PIGF: variants seen among roughly 807,000 people sequenced by gnomAD.
PIGF encodes GPI ethanolamine phosphate transferase, stabilizing subunit.
Under a neutral mutation model 26.0 loss-of-function variants are expected in PIGF, and 23 were observed. The ratio of observed to expected loss-of-function variants is 0.88; its 90% CI spans 0.64 to 1.25. PIGF has a LOEUF of 1.25. Ranked by LOEUF, PIGF falls within the 50% of genes most tolerant of loss-of-function variation. The probability of loss-of-function intolerance (pLI) is 0.00; values close to 1 mark genes in which losing one functional copy is unlikely to be tolerated. For missense variants in PIGF, 278 were observed against 249.9 expected (o/e 1.11, Z -0.76); for synonymous variants, 93 against 92.6 (o/e 1.00, Z -0.03).
chr2:46,588,297 G>A lies in PIGF; in HGVS notation c.546+4178C>T. On this transcript the variant is annotated intron_variant, in intron 5 of 5. Transcript: ENST00000281382. This position sits in a 1 kb window ranked among gnomAD's most constrained non-coding sequence, Gnocchi z 4.1. Reference sequence around the variant, plus strand: ...CACTCTACCAACTGAAAGACTGCTGGGCAGAAAAAATAAAACAACAAACTG... The same window carrying A: ...CACTCTACCAACTGAAAGACTGCTGAGCAGAAAAAATAAAACAACAAACTG... 8 of 1,281,402 alleles carry A rather than the reference G, an allele frequency of 6.2e-6. No homozygotes were observed. The highest frequency in any genetic ancestry group is 1.7e-5 in the South Asian group (1 of 59,406). 79.4% of individuals were successfully genotyped at this position (1,281,402 alleles called of 1,614,324 possible).
intron 4 of PIGF, among the ~76,000 whole-genome samples, chr2:46,606,385 T>C (rs1250889772): frequency 6.6e-6 from 1 of 152,230 alleles, no homozygotes; most frequent in Non-Finnish European, 1.5e-5. Context: ...CTTGCTTTTT[T>C]CCACTAACTT....
chr2:46,615,729 T>A (rs909771202), intron 1 of PIGF: 1 of 152,938 alleles, frequency 6.5e-6, no homozygotes, highest in African/African-American at 2.4e-5. Context: ...CACATTCCAA[T>A]ACTCAAATGG....
intron 5 of PIGF, among the ~76,000 whole-genome samples, chr2:46,590,190 A>T (rs1039107441): frequency 1.3e-5 from 2 of 152,104 alleles, no homozygotes; most frequent in African/African-American, 2.4e-5. Context: ...GCTACCTAGA[A>T]AATCTTTTTA....
rs1230980255 is a variant in PIGF at position 46,615,130 on chromosome 2, G to C, written c.35C>G (p.Thr12Ser). 8.4e-6 allele frequency: 13 copies of C among 1,552,854 alleles called. No individual in the cohort carries two copies. Among genetic ancestry groups the C allele is most frequent in the African/African-American group, 6.8e-5 (5 of 73,736 alleles). The change falls in exon 2 of 6, where the codon ACC becomes AGC. Residue 12 changes from threonine (T) to serine (S), a missense_variant. Transcript: ENST00000281382. Reference protein sequence around the residue: ...KDNDIKRLLYTHLLCIFSIIL... With the variant: ...KDNDIKRLLYSHLLCIFSIIL... ...AATTGAAAATATGCATAAAAGATGG[G>C]TATACAGTAGTCTCTTGATATCGTT... is the stretch of plus-strand genomic sequence containing the variant.
intron 4 of PIGF, among the ~76,000 whole-genome samples, chr2:46,611,291 C>T (rs113726938): frequency 2.3e-3 from 345 of 152,146 alleles, no homozygotes; most frequent in African/African-American, 7.6e-3. Context: ...CAAGACCATC[C>T]TGGCCAGTGT....
In PIGF at chr2:46,588,977, A is replaced by AT. The variant is rs1429633198; in HGVS notation, c.546+3497dup. Among the ~76,000 whole-genome samples, 2 of 152,082 alleles carry AT rather than the reference A, an allele frequency of 1.3e-5. No individual in the cohort carries two copies. Among genetic ancestry groups the AT allele is most frequent in the African/African-American group, 4.8e-5 (2 of 41,438 alleles). ...AAGGTTTTCTGTAGTCCAAATATTT[A>AT]TTTTGTCAGCAACTATAAGCTTTCT... On this transcript the variant is annotated intron_variant, in intron 5 of 5. Coordinates refer to ENST00000281382, the MANE Select transcript of PIGF (RefSeq NM_002643.4). The surrounding 1 kb of genome is among the most constrained non-coding windows in gnomAD (Gnocchi z 4.1).
chr2:46,599,150 C>T (rs895530086), intron 4 of PIGF, among the ~76,000 whole-genome samples: 2 of 152,146 alleles, frequency 1.3e-5, no homozygotes, highest in Admixed American at 1.3e-4. Flanking sequence ...AGAGATTGTA[C>T]CCAACAGGCT....
At chr2:46,604,625 C>T (rs986280968) in intron 4 of PIGF, among the ~76,000 whole-genome samples, 6 of 151,730 alleles carry the variant, frequency 4.0e-5, no homozygotes, top group East Asian at 1.9e-4. Flanking sequence ...AGGCAAACTT[C>T]GCATGTTCTC....
At position 46,614,969 on chromosome 2, in the gene PIGF, T is replaced by C. The variant is rs1670561288; in HGVS notation, c.196A>G (p.Thr66Ala). ...LVLYLVVKPNTSSKRSSLSHK... is the reference protein window; with the variant it reads ...LVLYLVVKPNASSKRSSLSHK... Reference sequence around the variant, plus strand: ...GATAATGAACTTCTTTTAGAGGATGTATTTGGTTTCACTACTAAATATAGT... The same window carrying C: ...GATAATGAACTTCTTTTAGAGGATGCATTTGGTTTCACTACTAAATATAGT... The change falls in exon 2 of 6, where the codon ACA becomes GCA. Residue 66 changes from threonine (T) to alanine (A), a missense_variant. Transcript: ENST00000281382. The C allele has an allele frequency of 6.3e-7, 1 of 1,580,598 alleles. No individual in the cohort carries two copies. The highest frequency in any genetic ancestry group is 8.7e-7 in the Non-Finnish European group (1 of 1,149,518).
At chr2:46,590,452 G>A (rs1338738176) in intron 5 of PIGF, among the ~76,000 whole-genome samples, 1 of 152,038 alleles carries the variant, frequency 6.6e-6, no homozygotes, top group Non-Finnish European at 1.5e-5. Context: ...CTACTGCACT[G>A]TCTTGTAAAC....
intron 5 of PIGF, among the ~76,000 whole-genome samples, chr2:46,585,883 C>G (rs1669556455): frequency 6.6e-6 from 1 of 152,126 alleles, no homozygotes; most frequent in African/African-American, 2.4e-5. Context: ...ACGCTATTCT[C>G]CTGCCTCAGC....
chr2:46,586,309 T>A (rs1324030382), intron 5 of PIGF, among the ~76,000 whole-genome samples: 1 of 152,238 alleles, frequency 6.6e-6, no homozygotes, highest in East Asian at 1.9e-4. Context: ...TAAAGGCTCA[T>A]ATGAATGACT....
chr2:46,606,626 G>T (rs1485891647), intron 4 of PIGF, among the ~76,000 whole-genome samples: 1 of 152,088 alleles, frequency 6.6e-6, no homozygotes, highest in Non-Finnish European at 1.5e-5. Context: ...TTGCTGGGTC[G>T]AAGAAGTATA....
chr2:46,605,581 G>A lies in PIGF; in HGVS notation c.437+6647C>T, dbSNP rs74834152. Reference sequence around the variant, plus strand: ...CTCAGTTCTGACACAGCCCTGCAAAGTACATATTAGTTTTATTCTAATCAT... The same window carrying A: ...CTCAGTTCTGACACAGCCCTGCAAAATACATATTAGTTTTATTCTAATCAT... On this transcript the variant is annotated intron_variant, in intron 4 of 5. Transcript: ENST00000281382. Among the ~76,000 whole-genome samples, 1,096 of 152,212 alleles carry A rather than the reference G, an allele frequency of 7.2e-3. 17 individuals carry two copies. The highest frequency in any genetic ancestry group is 0.044 in the South Asian group (210 of 4,826).
chr2:46,604,723 G>T (rs985738612), intron 4 of PIGF, among the ~76,000 whole-genome samples: 55 of 151,828 alleles, frequency 3.6e-4, no homozygotes, highest in Non-Finnish European at 1.0e-4. Flanking sequence ...GGGTAGTAGT[G>T]GGGGTGGGGG....
rs1669373382 is a variant in PIGF, at chr2:46,581,528, G to A, written c.610C>T (p.Pro204Ser). 1.2e-6 allele frequency: 2 copies of A among 1,611,466 alleles called. No individual in the cohort carries two copies. Among genetic ancestry groups the A allele is most frequent in the Non-Finnish European group, 1.7e-6 (2 of 1,179,612 alleles). Reference protein sequence around the residue: ...FGYVAGLVISPLWIYWNRKQL... With the variant: ...FGYVAGLVISSLWIYWNRKQL... ...TTTCTATTCCAGTATATCCAGAGTG[G>A]TGAAATAACAAGGCCAGCCACGTAG... Residue 204 changes from proline to serine, a missense_variant, in exon 6 of 6, where the codon CCA (proline) becomes TCA (serine). By Grantham distance (74) the Pro-to-Ser change is moderately conservative. Transcript: ENST00000281382.
intron 5 of PIGF, chr2:46,581,929 T>A: frequency 5.1e-6 from 1 of 195,102 alleles, no homozygotes; most frequent in South Asian, 8.5e-5. Flanking sequence ...TGGTAATTTT[T>A]TTTTTTTAAT....
At chr2:46,600,327 C>A (rs1011040193) in intron 4 of PIGF, among the ~76,000 whole-genome samples, 38 of 152,184 alleles carry the variant, frequency 2.5e-4, no homozygotes, top group Non-Finnish European at 5.1e-4. Context: ...CTGTTAACTT[C>A]CTTTGATCTA....
At chr2:46,613,322 A>AACTCC (rs1328864770) in intron 3 of PIGF, among the ~76,000 whole-genome samples, 1 of 152,132 alleles carries the variant, frequency 6.6e-6, no homozygotes, top group Non-Finnish European at 1.5e-5. Flanking sequence ...TGTTAAGAAA[A>AACTCC]ACTCCATTCA....
Sources: allele counts gnomAD v4.1 joint callset (sites outside exome capture counted in the v4.1 genomes callset), GRCh38; gene constraint gnomAD v4.1.1; non-coding constraint Gnocchi (gnomAD v3.1); transcripts MANE v1.5; gene names NCBI Gene and HGNC (gene_info 2026-07-23, HGNC 2026-07-21).